Variants in ESRRG observed in about 807,000 individuals in gnomAD.
ESRRG encodes estrogen-related receptor gamma.
ESRRG carries 13 observed loss-of-function variants against 44.0 expected under a neutral mutation model. The observed-to-expected ratio is 0.30, with a 90% CI of 0.19 to 0.47. The LOEUF is 0.47. ESRRG is among the 20% of genes least tolerant of loss of function. ESRRG has a pLI of 1.00. For missense variants in ESRRG, 395 were observed against 580.6 expected, an observed-to-expected ratio of 0.68 and a Z score of 3.29; for synonymous variants, 215 against 214.6, an observed-to-expected ratio of 1.00 and a Z score of -0.02.
chr1:216,715,116 T>C lies in ESRRG; in HGVS notation c.56+8128A>G, dbSNP rs199793627. 141 of 985,024 alleles carry C rather than the reference T, an allele frequency of 1.4e-4. No homozygotes were observed. In the East Asian group the frequency reaches 3.5e-3, roughly 25 times the overall value. 61.0% of individuals were successfully genotyped at this position (985,024 alleles called of 1,614,324 possible). A position where few individuals can be genotyped will look rare whatever the true frequency, so the allele number is the denominator to read the frequency against. On this transcript the variant is annotated intron_variant, in intron 1 of 6. Transcript: ENST00000408911. The stretch of plus-strand genomic sequence containing the variant: ...TGCTGTCTAGACTCCAAGAACAGAA[T>C]GAGCCTTCCTTTAGATGTGTAGAGC...
At chr1:216,549,836 C>A (rs893986729) in intron 5 of ESRRG, among the ~76,000 whole-genome samples, 2 of 152,028 alleles carry the variant, frequency 1.3e-5, no homozygotes, top group Non-Finnish European at 2.9e-5. Flanking sequence ...CTGAAGAGTT[C>A]TTGATTGTTT....
At chr1:216,735,019 C>T (rs2089611777) in intron 2 of ESRRG, among the ~76,000 whole-genome samples, 1 of 150,024 alleles carries the variant, frequency 6.7e-6, no homozygotes, top group Non-Finnish European at 1.5e-5. Context: ...AGTGATTCTC[C>T]TGCCTCAGCC....
chr1:216,682,504 A>G (rs2077191800), intron 1 of ESRRG, among the ~76,000 whole-genome samples: 1 of 152,166 alleles, frequency 6.6e-6, no homozygotes, highest in African/African-American at 2.4e-5. Context: ...AGATAAGAAG[A>G]GTCCTCAGCT....
rs141146028 is a variant in ESRRG, at chr1:216,902,325, C to T, written c.-14+37257G>A. 1.3e-3 allele frequency among the ~76,000 whole-genome samples: 194 copies of T among 152,112 alleles called. 1 individual carries two copies. The highest frequency in any genetic ancestry group is 4.5e-3 in the African/African-American group (187 of 41,516). ...CCAACATGGCAAAACCCCGTCTCTA[C>T]TAAAAATACAAAAATTATCTTGGTG... On this transcript the variant is annotated intron_variant, in intron 2 of 7. Coordinates refer to the ESRRG transcript ENST00000359162.
intron 5 of ESRRG, among the ~76,000 whole-genome samples, chr1:216,547,816 G>A (rs1236358471): frequency 2.0e-5 from 3 of 151,982 alleles, no homozygotes; most frequent in Admixed American, 2.0e-4. Context: ...GTTGCACGTA[G>A]CACTGCCAAT....
upstream of ESRRG, among the ~76,000 whole-genome samples, chr1:217,093,241 C>T (rs79841886): frequency 0.046 from 7,039 of 152,234 alleles, 247 homozygotes; most frequent in Middle Eastern, 0.092. Flanking sequence ...CATTCTGGGC[C>T]TCAGTTCCCT....
chr1:216,793,350 T>C (rs1223561207), intron 2 of ESRRG, among the ~76,000 whole-genome samples: 2 of 152,182 alleles, frequency 1.3e-5, no homozygotes, highest in African/African-American at 4.8e-5. Context: ...GGTGAAGGTA[T>C]GTCACTTCTG....
At chr1:216,926,908 G>A (rs527710182) in intron 2 of ESRRG, among the ~76,000 whole-genome samples, 2 of 152,164 alleles carry the variant, frequency 1.3e-5, no homozygotes, top group African/African-American at 2.4e-5. Flanking sequence ...GTCACTAAGC[G>A]AGCTCTCCCT....
intron 2 of ESRRG, among the ~76,000 whole-genome samples, chr1:216,832,192 T>C (rs2095497998): frequency 6.6e-6 from 1 of 152,214 alleles, no homozygotes; most frequent in Admixed American, 6.5e-5. Context: ...TCCCTCACTG[T>C]ACCCACTTAC....
At chr1:216,668,269 C>A (rs1366816057) in intron 2 of ESRRG, among the ~76,000 whole-genome samples, 1 of 102,052 alleles carries the variant, frequency 9.8e-6, no homozygotes, top group Non-Finnish European at 2.3e-5. Context: ...CTGACATGAG[C>A]TATAGTTGGG....
At chr1:216,890,286 A>T (rs1269781766) in intron 2 of ESRRG, among the ~76,000 whole-genome samples, 1 of 151,986 alleles carries the variant, frequency 6.6e-6, no homozygotes, top group Non-Finnish European at 1.5e-5. Context: ...AATAAAAATA[A>T]ATATATGCTT....
At chr1:216,876,806 T>C (rs1040369297) in intron 2 of ESRRG, among the ~76,000 whole-genome samples, 2 of 152,202 alleles carry the variant, frequency 1.3e-5, no homozygotes, top group Admixed American at 1.3e-4. Flanking sequence ...CCCGCAGTCA[T>C]GTTAAATGCT....
At chr1:216,709,491 T>C (rs930692642) in intron 1 of ESRRG, among the ~76,000 whole-genome samples, 1 of 151,992 alleles carries the variant, frequency 6.6e-6, no homozygotes, top group Non-Finnish European at 1.5e-5. Context: ...CAACCTTTAA[T>C]CTAATATATA....
intron 1 of ESRRG, among the ~76,000 whole-genome samples, chr1:217,086,260 G>A (rs571377107): frequency 6.6e-6 from 1 of 152,178 alleles, no homozygotes; most frequent in Admixed American, 6.5e-5. Context: ...ACAGTACCTA[G>A]AAGGCAGATA....
intron 1 of ESRRG, chr1:216,682,133 C>T (rs772236767): frequency 1.3e-5 from 2 of 152,128 alleles, no homozygotes; most frequent in Admixed American, 1.3e-4. Context: ...TTACACAGAT[C>T]TTGAATTCAT....
At chr1:216,691,025 G>T (rs977468834) in intron 1 of ESRRG, among the ~76,000 whole-genome samples, 5 of 152,084 alleles carry the variant, frequency 3.3e-5, no homozygotes, top group Non-Finnish European at 5.9e-5. Context: ...GCCTTCATTT[G>T]CCATTTTCTT....
At chr1:216,904,499 C>A (rs1232277206) in intron 2 of ESRRG, among the ~76,000 whole-genome samples, 1 of 152,156 alleles carries the variant, frequency 6.6e-6, no homozygotes, top group African/African-American at 2.4e-5. Context: ...GAAACAGCTT[C>A]TTTTCTCCCA....
chr1:216,784,864 T>C (rs1471703215), intron 2 of ESRRG, among the ~76,000 whole-genome samples: 1 of 152,044 alleles, frequency 6.6e-6, no homozygotes, highest in African/African-American at 2.4e-5. Flanking sequence ...ATTCATGCAC[T>C]CCGATTTTAC....
chr1:216,707,239 TTTTTC>T (rs2082630651), intron 1 of ESRRG: 12 of 1,121,464 alleles, frequency 1.1e-5, no homozygotes, highest in Non-Finnish European at 1.5e-5. Flanking sequence ...AAAGCATTTT[TTTTTC>T]TTTTCATTAA....
Sources: gnomAD v4.1 joint callset for allele counts (sites outside exome capture counted in the v4.1 genomes callset) on GRCh38, gnomAD v4.1.1 for gene constraint, MANE v1.5 for transcripts, NCBI Gene and HGNC (gene_info 2026-07-23, HGNC 2026-07-21) for gene names.